The following ESRRB variants were observed in gnomAD, a reference collection of about 807,000 sequenced individuals.
ESRRB encodes estrogen related receptor beta, also known as steroid hormone receptor ERR2.
Under a neutral mutation model 46.0 loss-of-function variants are expected in ESRRB, and 16 were observed. The observed-to-expected ratio is 0.35, with a 90% CI of 0.24 to 0.53. The LOEUF is 0.53. Among genes scored for constraint, ESRRB ranks in the 20% least tolerant of loss-of-function variants. The pLI is 0.93. For synonymous variants in ESRRB, 246 were observed against 259.6 expected (o/e 0.95, Z 0.50); for missense variants, 488 against 607.4 (o/e 0.80, Z 2.07).
intron 1 of ESRRB, among the ~76,000 whole-genome samples, chr14:76,398,371 G>A (rs565526218): frequency 6.6e-6 from 1 of 152,302 alleles, no homozygotes; most frequent in Non-Finnish European, 1.5e-5. Flanking sequence ...CACACCTGCA[G>A]AAGACAAATA....
At chr14:76,358,390 A>T (rs1191083071) in intron 1 of ESRRB, among the ~76,000 whole-genome samples, 1 of 111,204 alleles carries the variant, frequency 9.0e-6, no homozygotes, top group African/African-American at 3.2e-5. Flanking sequence ...AAAGAAAGAA[A>T]GAAAGAAAGA....
At chr14:76,343,686 A>G (rs887484938) in intron 1 of ESRRB, among the ~76,000 whole-genome samples, 4 of 152,372 alleles carry the variant, frequency 2.6e-5, no homozygotes, top group African/African-American at 9.6e-5. Context: ...CATGGTGATT[A>G]GGTTCCAAGA....
chr14:76,331,333 T>C (rs1884010915), intron 1 of ESRRB, among the ~76,000 whole-genome samples: 1 of 152,192 alleles, frequency 6.6e-6, no homozygotes, highest in African/African-American at 2.4e-5. Flanking sequence ...TGGCCCCATC[T>C]GTGAATTCAC....
At chr14:76,447,189 C>T (rs1888182838) in intron 2 of ESRRB, among the ~76,000 whole-genome samples, 1 of 151,988 alleles carries the variant, frequency 6.6e-6, no homozygotes, top group African/African-American at 2.4e-5. Flanking sequence ...CCTCCTGAGA[C>T]CCTCTCGGCT....
chr14:76,492,207 A>G (rs60440448), intron 6 of ESRRB, among the ~76,000 whole-genome samples: 35,382 of 152,218 alleles, frequency 0.23, 4,306 homozygotes, highest in Non-Finnish European at 0.27. Flanking sequence ...TCTGTCGCCC[A>G]GGTAGGAGTG....
intron 3 of ESRRB, among the ~76,000 whole-genome samples, chr14:76,464,713 T>C (rs750255583): frequency 1.3e-5 from 2 of 152,138 alleles, no homozygotes; most frequent in African/African-American, 2.4e-5. Flanking sequence ...CATTTTTGAC[T>C]CTATATAATT....
At chr14:76,469,829 TTTCTTTAAAAAAAC>T (rs1350299530) in intron 3 of ESRRB, among the ~76,000 whole-genome samples, 1 of 151,940 alleles carries the variant, frequency 6.6e-6, no homozygotes, top group South Asian at 2.1e-4. Flanking sequence ...CATTCACCCC[TTTCTTTAAAAAAAC>T]TTCTTTAAAA....
chr14:76,454,504 C>T (rs769703374), intron 2 of ESRRB, among the ~76,000 whole-genome samples: 19 of 152,052 alleles, frequency 1.2e-4, no homozygotes, highest in Non-Finnish European at 2.4e-4. Flanking sequence ...ACCAAGGAGG[C>T]CATGTGAGAG....
At chr14:76,392,306 G>T (rs12588092) in intron 1 of ESRRB, among the ~76,000 whole-genome samples, 2 of 152,056 alleles carry the variant, frequency 1.3e-5, no homozygotes, top group Non-Finnish European at 2.9e-5. Context: ...CAGGGTTCCT[G>T]GGCTCTAAGG....
At chr14:76,468,600 C>A (rs894414419) in intron 3 of ESRRB, among the ~76,000 whole-genome samples, 2 of 152,060 alleles carry the variant, frequency 1.3e-5, no homozygotes, top group African/African-American at 4.8e-5. Context: ...GATAACGGTA[C>A]GGTGGTCACG....
chr14:76,322,776 G>A (rs74069796), intron 1 of ESRRB, among the ~76,000 whole-genome samples: 3,155 of 152,248 alleles, frequency 0.021, 123 homozygotes, highest in African/African-American at 0.072. Context: ...TGATTCTACC[G>A]CCTTGGGCAG....
chr14:76,412,446 C>CCT (rs779388353), intron 1 of ESRRB, among the ~76,000 whole-genome samples: 3 of 152,122 alleles, frequency 2.0e-5, no homozygotes, highest in Non-Finnish European at 4.4e-5. Flanking sequence ...TACCCCTCTA[C>CCT]CTCTCCCTCA....
chr14:76,408,862 T>C (rs1009696055), intron 1 of ESRRB, among the ~76,000 whole-genome samples: 7 of 152,184 alleles, frequency 4.6e-5, no homozygotes, highest in African/African-American at 9.7e-5. Flanking sequence ...CTCACTTCCA[T>C]TGAGCGCTTC....
chr14:76,368,902 A>G (rs1884558250), upstream of ESRRB, among the ~76,000 whole-genome samples: 1 of 152,168 alleles, frequency 6.6e-6, no homozygotes, highest in Admixed American at 6.5e-5. Flanking sequence ...ACACAGTTAA[A>G]AGCTGTCATC....
chr14:76,497,219 G>T (rs1353873057), intron 6 of ESRRB, among the ~76,000 whole-genome samples: 1 of 152,044 alleles, frequency 6.6e-6, no homozygotes, highest in Non-Finnish European at 1.5e-5. Context: ...CACTGCCTTG[G>T]TAGCAGGGAG....
At chr14:76,334,613 C>T (rs1884104480) in intron 1 of ESRRB, among the ~76,000 whole-genome samples, 2 of 152,206 alleles carry the variant, frequency 1.3e-5, no homozygotes, top group African/African-American at 4.8e-5. Context: ...CAAGGCAGCC[C>T]CTGCTGGCTG....
intron 1 of ESRRB, among the ~76,000 whole-genome samples, chr14:76,394,320 T>C (rs1885587090): frequency 6.6e-6 from 1 of 152,216 alleles, no homozygotes; most frequent in Admixed American, 6.5e-5. Context: ...TCTTTGCTGA[T>C]GCTCACGACA....
rs1884236183 is a variant in ESRRB, at chr14:76,345,258, C to T, written c.2+34342C>T. Among the ~76,000 whole-genome samples, 3 of 152,130 alleles carry T rather than the reference C, an allele frequency of 2.0e-5. No individual in the cohort carries two copies. The South Asian group carries it at 6.2e-4, about 31-fold the overall frequency. Reference sequence around the variant, plus strand: ...CAGTCAGCAGAGTAAACAGACAACCCACAGAGTGGGAGAAAATCTTCACAA... The same window carrying T: ...CAGTCAGCAGAGTAAACAGACAACCTACAGAGTGGGAGAAAATCTTCACAA... On this transcript the variant is annotated intron_variant, in intron 1 of 6. Coordinates refer to the ESRRB transcript ENST00000512784.
chr14:76,377,838 C>T (rs1207572701), intron 1 of ESRRB, among the ~76,000 whole-genome samples: 4 of 152,224 alleles, frequency 2.6e-5, no homozygotes, highest in African/African-American at 7.2e-5. Flanking sequence ...GTTGACCAGA[C>T]TGTTCCTGCT....
Sources: gnomAD v4.1 joint callset for allele counts (sites outside exome capture counted in the v4.1 genomes callset) on GRCh38, gnomAD v4.1.1 for gene constraint, MANE v1.5 for transcripts, NCBI Gene and HGNC (gene_info 2026-07-23, HGNC 2026-07-21) for gene names.